The following KIF21A variants were observed in gnomAD, a reference collection of about 807,000 sequenced individuals.
KIF21A encodes the protein kinesin family member 21A, also known as kinesin-like protein KIF21A.
A neutral mutation model predicts 202.9 loss-of-function variants in KIF21A; 114 were observed. The ratio of observed to expected loss-of-function variants is 0.56; its 90% CI spans 0.48 to 0.66. The LOEUF (loss-of-function observed/expected upper bound fraction) is 0.66. KIF21A is among the 30% of genes least tolerant of loss of function. KIF21A has a pLI of 0.00. For synonymous variants in KIF21A, 667 were observed against 670.8 expected (o/e 0.99, Z 0.09); for missense variants, 1,677 against 1,994.9 (o/e 0.84, Z 3.04).
At chr12:39,376,241 A>T (rs958920229) in intron 1 of KIF21A, among the ~76,000 whole-genome samples, 1 of 152,176 alleles carries the variant, frequency 6.6e-6, no homozygotes, top group South Asian at 2.1e-4. Context: ...TTATGCAAAG[A>T]TAATAAAGCT....
intron 1 of KIF21A, among the ~76,000 whole-genome samples, chr12:39,372,578 G>A (rs11171895): frequency 1.3e-3 from 205 of 152,216 alleles, no homozygotes; most frequent in East Asian, 8.9e-3. Flanking sequence ...TTATAGAAAA[G>A]GGAAAGATGG....
intron 1 of KIF21A, among the ~76,000 whole-genome samples, chr12:39,376,001 A>G (rs1950247532): frequency 6.6e-6 from 1 of 152,104 alleles, no homozygotes; most frequent in Non-Finnish European, 1.5e-5. Context: ...CATTTCCCTC[A>G]TGAGGCACCC....
At position 39,325,850 on chromosome 12, in the gene KIF21A, G is replaced by A; in HGVS notation, c.3445C>T (p.Pro1149Ser). 6.2e-7 allele frequency: 1 copy of A among 1,610,602 alleles called. No homozygotes were observed. Among genetic ancestry groups the A allele is most frequent in the Non-Finnish European group, 8.5e-7 (1 of 1,177,208 alleles). Residue 1149 changes from proline (P) to serine (S), a missense_variant, in exon 26 of 38, where the codon CCT becomes TCT. Physicochemically the swap from Pro to Ser is moderately conservative, Grantham distance 74. Coordinates refer to ENST00000361418, the MANE Select transcript of KIF21A (RefSeq NM_001173464.2). ...DLMKLCGEVK[P>S]KNKARRRTTT... ...TTAGTTCTCCTTACCTTGTTCTTAGGTTTCACTTCACCACAAAGCTTCATG... is the reference window on the plus strand; with the variant it reads ...TTAGTTCTCCTTACCTTGTTCTTAGATTTCACTTCACCACAAAGCTTCATG...
rs749287416 is a variant in KIF21A, at chr12:39,358,319, C to A, written c.1074G>T (p.Thr358=). ...VSPSDRDFME[T]LNTLKYANRA... The stretch of plus-strand genomic sequence containing the variant: ...GATTGGCGTATTTCAGGGTGTTTAA[C>A]GTTTCCATAAAGTCTCTGTCTGAAG... Residue 358 remains threonine (T), a synonymous_variant, in exon 8 of 38, where the codon ACG becomes ACT. Transcript: ENST00000361418. 1 of 1,613,962 alleles carries A rather than the reference C, an allele frequency of 6.2e-7. No homozygotes were observed. Among genetic ancestry groups the A allele is most frequent in the East Asian group, 2.2e-5 (1 of 44,886 alleles).
chr12:39,406,643 A>G (rs1156819185), intron 1 of KIF21A, among the ~76,000 whole-genome samples: 1 of 152,182 alleles, frequency 6.6e-6, no homozygotes, highest in East Asian at 1.9e-4. Context: ...GGTATACTTT[A>G]AGCTTTTCAA....
intron 1 of KIF21A, among the ~76,000 whole-genome samples, chr12:39,432,476 A>C (rs1203583462): frequency 1.3e-5 from 2 of 152,206 alleles, no homozygotes; most frequent in Non-Finnish European, 2.9e-5. Flanking sequence ...GCCCTTACTA[A>C]ACAATAAAGT....
At chr12:39,302,076 G>A (rs1168115032) in intron 36 of KIF21A, among the ~76,000 whole-genome samples, 1 of 152,154 alleles carries the variant, frequency 6.6e-6, no homozygotes, top group Non-Finnish European at 1.5e-5. Flanking sequence ...AATACCACCA[G>A]TTTAAACTTT....
At chr12:39,367,789 A>G (rs1179475155) in intron 4 of KIF21A, 94 bp downstream of exon 4, 1 of 974,412 alleles carries the variant, frequency 1.0e-6, no homozygotes, top group Non-Finnish European at 1.6e-6. Context: ...TCAGGATATA[A>G]ATTTCATATC....
At chr12:39,437,270 G>A (rs1938945726) in intron 1 of KIF21A, among the ~76,000 whole-genome samples, 1 of 152,188 alleles carries the variant, frequency 6.6e-6, no homozygotes, top group African/African-American at 2.4e-5. Flanking sequence ...TAGCAGGTAA[G>A]ATGGCAAGAG....
chr12:39,368,737 T>TA (rs762543777), intron 3 of KIF21A, among the ~76,000 whole-genome samples: 4,078 of 142,410 alleles, frequency 0.029, 76 homozygotes, highest in Middle Eastern at 0.067. Flanking sequence ...AAACCAGCAG[T>TA]AAAAAAAAAA....
Position 39,307,680 on chromosome 12 carries a change from G to T in KIF21A, c.4327C>A (p.Arg1443=). Residue 1443 remains arginine, a synonymous_variant, in exon 34 of 38, where the codon CGA becomes AGA. Coordinates refer to ENST00000361418, the MANE Select transcript of KIF21A (RefSeq NM_001173464.2). ...TCTCCAGAAGGAATAGCTACTGTTC[G>T]ACTGGTACTTGCAGAACAAGCATCT... ...LGDACSASTS[R]TVAIPSGENQ... 6.2e-7 allele frequency: 1 copy of T among 1,613,934 alleles called. No homozygotes were observed. Among genetic ancestry groups the T allele is most frequent in the South Asian group, 1.1e-5 (1 of 91,048 alleles).
At chr12:39,390,647 A>C (rs1951280657) in intron 1 of KIF21A, among the ~76,000 whole-genome samples, 1 of 152,186 alleles carries the variant, frequency 6.6e-6, no homozygotes, top group Admixed American at 6.5e-5. Context: ...TATAACCTAC[A>C]AAAGATATTC....
chr12:39,320,932 CAAAAAAAAAAAAAAAAA>C (rs59613512), intron 27 of KIF21A, among the ~76,000 whole-genome samples: 27 of 16,122 alleles, frequency 1.7e-3, no homozygotes, highest in African/African-American at 5.5e-3. Flanking sequence ...AAGACTCTGC[CAAAAAAAAAAAAAAAAA>C]AAAAAAAAAA....
At chr12:39,361,583 A>G (rs1165152983) in intron 7 of KIF21A, among the ~76,000 whole-genome samples, 5 of 47,632 alleles carry the variant, frequency 1.0e-4, no homozygotes, top group Non-Finnish European at 1.7e-4. Context: ...GTGCAGTGGC[A>G]CGATCTCCGC....
intron 37 of KIF21A, among the ~76,000 whole-genome samples, chr12:39,300,948 A>G (rs1462061136): frequency 6.6e-6 from 1 of 152,136 alleles, no homozygotes; most frequent in African/African-American, 2.4e-5. Flanking sequence ...TGGGTTTGGA[A>G]TCTGTTTTGC....
chr12:39,389,127 T>A (rs1263498410), intron 1 of KIF21A, among the ~76,000 whole-genome samples: 1 of 152,016 alleles, frequency 6.6e-6, no homozygotes, highest in Non-Finnish European at 1.5e-5. Context: ...TACAGTGTAA[T>A]ATTTACCAAT....
chr12:39,295,332 T>C (rs549888887), intron 37 of KIF21A, among the ~76,000 whole-genome samples: 84 of 152,300 alleles, frequency 5.5e-4, no homozygotes, highest in African/African-American at 1.8e-3. Flanking sequence ...ATATCTCTCA[T>C]GGTTAAAGAA....
intron 1 of KIF21A, among the ~76,000 whole-genome samples, chr12:39,430,679 GGT>G (rs1048265572): frequency 3.3e-5 from 5 of 151,812 alleles, no homozygotes; most frequent in African/African-American, 1.2e-4. Flanking sequence ...TTTATGTTTT[GGT>G]GTGTGTGTTT....
intron 1 of KIF21A, among the ~76,000 whole-genome samples, chr12:39,387,937 C>A (rs1034233931): frequency 6.6e-6 from 1 of 152,134 alleles, no homozygotes; most frequent in African/African-American, 2.4e-5. Flanking sequence ...GTATATGGTA[C>A]CCTCTTTTGC....
Sources: allele counts gnomAD v4.1 joint callset (sites outside exome capture counted in the v4.1 genomes callset), GRCh38; gene constraint gnomAD v4.1.1; transcripts MANE v1.5; gene names NCBI Gene and HGNC (gene_info 2026-07-23, HGNC 2026-07-21).